The following PCDHGB3 variants were observed in gnomAD, a reference collection of about 807,000 sequenced individuals.
PCDHGB3 encodes the protein protocadherin gamma subfamily B, 3, also known as protocadherin gamma-B3.
A neutral mutation model predicts 59.2 loss-of-function variants in PCDHGB3; 40 were observed. The observed-to-expected ratio is 0.68, with a 90% CI of 0.52 to 0.88. The LOEUF (loss-of-function observed/expected upper bound fraction) is 0.88, where lower values mean the gene tolerates loss of function less well. PCDHGB3 is among the 40% of genes least tolerant of loss of function. PCDHGB3 has a pLI of 0.00. For synonymous variants in PCDHGB3, 581 were observed against 503.6 expected (o/e 1.15, Z -2.06); for missense variants, 1,309 against 1,187.9 (o/e 1.10, Z -1.50).
chr5:141,487,429 C>A lies in PCDHGB3; in HGVS notation c.2416-7378C>A. 1 of 1,614,162 alleles carries A rather than the reference C, an allele frequency of 6.2e-7. No individual in the cohort carries two copies. Among genetic ancestry groups the A allele is most frequent in the Non-Finnish European group, 8.5e-7 (1 of 1,180,018 alleles). On this transcript the variant is annotated intron_variant, in intron 1 of 3. Transcript: ENST00000576222. The surrounding 1 kb of genome is among the most constrained non-coding windows in gnomAD (Gnocchi z 5.0). ...CCCCTTCCAATGGGATCCTCCGAAT[C>A]CAGCTAGGGTCAGATGACCCTATCA...
chr5:141,413,889 T>C (rs1394681178), intron 1 of PCDHGB3: 4 of 1,613,392 alleles, frequency 2.5e-6, no homozygotes, highest in Non-Finnish European at 3.4e-6. Flanking sequence ...CTGTCTTCGA[T>C]GCAAATGACA....
intron 1 of PCDHGB3, chr5:141,389,412 G>T (rs1039259671): frequency 5.6e-6 from 9 of 1,613,470 alleles, no homozygotes; most frequent in Non-Finnish European, 7.6e-6. Flanking sequence ...CGCGGAGAGC[G>T]GGGTGGTGTT....
Position 141,485,731 on chromosome 5 carries a change from C to T in PCDHGB3, c.2416-9076C>T, listed in dbSNP as rs1440070106. The T allele has an allele frequency of 1.9e-6, 3 of 1,614,036 alleles. No individual in the cohort carries two copies. The highest frequency in any genetic ancestry group is 2.2e-5 in the South Asian group (2 of 91,080). On this transcript the variant is annotated intron_variant, in intron 1 of 3. Transcript: ENST00000576222. This position sits in a 1 kb window ranked among gnomAD's most constrained non-coding sequence, Gnocchi z 5.7. ...TTGCACTGGATGTGAAGAAGCGCAG[C>T]GACGGCAGCCTGGTCCCAGAGCTGC...
At position 141,431,056 on chromosome 5, in the gene PCDHGB3, C is replaced by T; in HGVS notation, c.2415+58247C>T. ...ACCGGGAGGAGCTCTGTATGGGGGC[C>T]ATCAAGTGTCAATTAAATCTAGACA... On this transcript the variant is annotated intron_variant, in intron 1 of 3. Transcript: ENST00000576222. The surrounding 1 kb of genome is among the most constrained non-coding windows in gnomAD (Gnocchi z 4.8). 1 of 1,614,126 alleles carries T rather than the reference C, an allele frequency of 6.2e-7. No homozygotes were observed. The highest frequency in any genetic ancestry group is 8.5e-7 in the Non-Finnish European group (1 of 1,180,000).
At chr5:141,418,128 T>C (rs1386757111) in intron 1 of PCDHGB3, 1 of 1,614,090 alleles carries the variant, frequency 6.2e-7, no homozygotes, top group South Asian at 1.1e-5. Flanking sequence ...AAGGACCGAA[T>C]AGACCGTGAG....
intron 1 of PCDHGB3, chr5:141,404,978 G>C: frequency 6.2e-7 from 1 of 1,613,976 alleles, no homozygotes; most frequent in Non-Finnish European, 8.5e-7. Context: ...GGCTGACCTG[G>C]GCAGTCTTCA....
intron 1 of PCDHGB3, chr5:141,410,849 C>CTTTTGTTTTTTTTTTTTTTTTTT (rs2095432564): frequency 7.7e-6 from 1 of 129,786 alleles, no homozygotes; most frequent in Non-Finnish European, 1.3e-5. Flanking sequence ...TTGTCTTTGT[C>CTTTTGTTTTTTTTTTTTTTTTTT]TTTTTTTTTT....
chr5:141,488,540 A>C (rs901890616), intron 1 of PCDHGB3, among the ~76,000 whole-genome samples: 6 of 152,146 alleles, frequency 3.9e-5, no homozygotes, highest in Admixed American at 2.0e-4. Context: ...GCTAAGTCCC[A>C]TGTCAGCTGA....
Position 141,409,803 on chromosome 5 carries a change from C to G in PCDHGB3, c.2415+36994C>G, listed in dbSNP as rs779815582. The G allele has an allele frequency of 1.4e-5, 23 of 1,611,528 alleles. No homozygotes were observed. The highest frequency in any genetic ancestry group is 7.7e-5 in the South Asian group (7 of 90,886). ...CGCGCCTTCGCGCTCACGCTGCAGG[C>G]CCGCGACCACGGCTCGCCCACGCTC... On this transcript the variant is annotated intron_variant, in intron 1 of 3. Coordinates refer to ENST00000576222, the MANE Select transcript of PCDHGB3 (RefSeq NM_018924.5).
intron 1 of PCDHGB3, among the ~76,000 whole-genome samples, chr5:141,406,166 G>A (rs778809031): frequency 1.6e-4 from 24 of 151,400 alleles, no homozygotes; most frequent in Non-Finnish European, 3.2e-4. Context: ...TCAATCTCCT[G>A]GGCTTATGCA....
chr5:141,441,162 G>A (rs1009205566), intron 1 of PCDHGB3: 48 of 152,166 alleles, frequency 3.2e-4, no homozygotes, highest in Admixed American at 1.5e-3. Flanking sequence ...TCCTAGAGGC[G>A]ATTTTTACTT....
At position 141,490,328 on chromosome 5, in the gene PCDHGB3, C is replaced by T; in HGVS notation, c.2416-4479C>T. 2 of 1,614,228 alleles carry T rather than the reference C, an allele frequency of 1.2e-6. No homozygotes were observed. Among genetic ancestry groups the T allele is most frequent in the Non-Finnish European group, 1.7e-6 (2 of 1,180,048 alleles). Reference sequence around the variant, plus strand: ...TTGGCCAACCCTGTCCTAGAGAGCACACCAGTGGGCACAGTAGTGGGGTTG... The same window carrying T: ...TTGGCCAACCCTGTCCTAGAGAGCATACCAGTGGGCACAGTAGTGGGGTTG... On this transcript the variant is annotated intron_variant, in intron 1 of 3. Coordinates refer to ENST00000576222, the MANE Select transcript of PCDHGB3 (RefSeq NM_018924.5). The surrounding 1 kb of genome is among the most constrained non-coding windows in gnomAD (Gnocchi z 5.4).
chr5:141,410,066 C>G, intron 1 of PCDHGB3: 1 of 1,612,912 alleles, frequency 6.2e-7, no homozygotes, highest in Non-Finnish European at 8.5e-7. Context: ...CCTGGGGCTG[C>G]GCACTGGGGA....
Position 141,487,176 on chromosome 5 carries a change from A to G in PCDHGB3, c.2416-7631A>G. On this transcript the variant is annotated intron_variant, in intron 1 of 3. Coordinates refer to ENST00000576222, the MANE Select transcript of PCDHGB3 (RefSeq NM_018924.5). The surrounding 1 kb of genome is among the most constrained non-coding windows in gnomAD (Gnocchi z 5.0). ...ACTCTCTTAGTGTCCTTAGAGGAAGACACTCATCCAGTTGTCCCAGATCTT... is the reference window on the plus strand; with the variant it reads ...ACTCTCTTAGTGTCCTTAGAGGAAGGCACTCATCCAGTTGTCCCAGATCTT... 1 of 1,613,774 alleles carries G rather than the reference A, an allele frequency of 6.2e-7. No homozygotes were observed. The highest frequency in any genetic ancestry group is 8.5e-7 in the Non-Finnish European group (1 of 1,179,664).
At chr5:141,510,785 C>G (rs951225541) in intron 3 of PCDHGB3, among the ~76,000 whole-genome samples, 162 bp from the exon 4 acceptor site, 1 of 152,150 alleles carries the variant, frequency 6.6e-6, no homozygotes, top group Non-Finnish European at 1.5e-5. Flanking sequence ...ACCCTCAACT[C>G]TTGTGAAGAG....
chr5:141,385,984 T>C (rs75507773), intron 1 of PCDHGB3: 11 of 152,336 alleles, frequency 7.2e-5, no homozygotes, highest in African/African-American at 1.7e-4. Context: ...CAATAAAATA[T>C]GTCAAATAAA....
At chr5:141,397,224 A>T (rs2093491277) in intron 1 of PCDHGB3, among the ~76,000 whole-genome samples, 1 of 151,376 alleles carries the variant, frequency 6.6e-6, no homozygotes. Context: ...ATTTTGAGAT[A>T]TGAAGAAGAG....
At chr5:141,475,892 G>A (rs1279219556) in intron 1 of PCDHGB3, 1 of 568,264 alleles carries the variant, frequency 1.8e-6, no homozygotes, top group Non-Finnish European at 3.1e-6. Context: ...GGGACTCTGT[G>A]TGCCGCTGTC....
chr5:141,479,269 A>C (rs1279389471), intron 1 of PCDHGB3: 1 of 152,374 alleles, frequency 6.6e-6, no homozygotes, highest in Non-Finnish European at 1.5e-5. Context: ...TAAAAGTAAT[A>C]ATTTATTTCA....
Sources: allele counts gnomAD v4.1 joint callset (sites outside exome capture counted in the v4.1 genomes callset), GRCh38; gene constraint gnomAD v4.1.1; non-coding constraint Gnocchi (gnomAD v3.1); transcripts MANE v1.5; gene names NCBI Gene and HGNC (gene_info 2026-07-23, HGNC 2026-07-21).